Variants in LTBP1 observed in about 807,000 individuals in gnomAD.
LTBP1 encodes the protein latent transforming growth factor beta binding protein 1, also known as latent-transforming growth factor beta-binding protein 1.
A neutral mutation model predicts 207.6 loss-of-function variants in LTBP1; 129 were observed. The observed-to-expected ratio is 0.62, with a 90% CI of 0.54 to 0.72. The LOEUF is 0.72. LTBP1 is among the 30% of genes least tolerant of loss of function. LTBP1 has a pLI of 0.00. For synonymous variants in LTBP1, 963 were observed against 833.7 expected (o/e 1.16, Z -2.67); for missense variants, 2,281 against 2,217.2 (o/e 1.03, Z -0.58).
Position 32,947,154 on chromosome 2 carries a change from C to A in LTBP1, c.-171C>A. ...GCCACAATCGGCCGGGGTCTGGGGC[C>A]GCTCAGCTGCCCGCAGAGCCTCCTC... On this transcript the variant is annotated 5_prime_UTR_variant, in exon 1 of 34. Coordinates refer to ENST00000404816, the MANE Select transcript of LTBP1 (RefSeq NM_206943.4). 2 of 403,400 alleles carry A rather than the reference C, an allele frequency of 5.0e-6. No individual in the cohort carries two copies. Among genetic ancestry groups the A allele is most frequent in the Non-Finnish European group, 8.3e-6 (2 of 242,378 alleles). 25.0% of individuals were successfully genotyped at this position (403,400 alleles called of 1,614,324 possible).
intron 2 of LTBP1, among the ~76,000 whole-genome samples, chr2:32,995,175 C>A (rs1685060817): frequency 6.7e-6 from 1 of 149,946 alleles, no homozygotes; most frequent in Non-Finnish European, 1.5e-5. Context: ...AGTGTGAGAC[C>A]CTGTCTCCAA....
intron 24 of LTBP1, among the ~76,000 whole-genome samples, chr2:33,326,640 A>AATTTATTTATTTATTT (rs10529829): frequency 0.31 from 44,618 of 144,432 alleles, 7,935 homozygotes; most frequent in Non-Finnish European, 0.39. Context: ...TGAGGGATAT[A>AATTTATTTATTTATTT]ATTTATTTAT....
chr2:33,269,842 A>G (rs918619327), intron 15 of LTBP1, among the ~76,000 whole-genome samples: 4 of 152,216 alleles, frequency 2.6e-5, no homozygotes, highest in African/African-American at 4.8e-5. Flanking sequence ...TGTACTGTCT[A>G]TGTGCTCAGG....
chr2:33,300,067 A>G (rs1318289291), intron 20 of LTBP1, among the ~76,000 whole-genome samples: 1 of 152,144 alleles, frequency 6.6e-6, no homozygotes, highest in East Asian at 1.9e-4. Flanking sequence ...TCAAATTCCT[A>G]GTCGAGTTTT....
chr2:33,218,177 A>G (rs1013141475), intron 8 of LTBP1, among the ~76,000 whole-genome samples: 7 of 152,178 alleles, frequency 4.6e-5, no homozygotes, highest in African/African-American at 1.2e-4. Flanking sequence ...CTAGGACACA[A>G]TTCTTTCCCA....
chr2:33,181,377 A>G (rs1210729191), intron 5 of LTBP1, among the ~76,000 whole-genome samples: 1 of 152,240 alleles, frequency 6.6e-6, no homozygotes, highest in African/African-American at 2.4e-5. Flanking sequence ...CAATTACTTG[A>G]GTACTGCAAG....
chr2:33,215,200 A>G (rs150158982), intron 7 of LTBP1, among the ~76,000 whole-genome samples: 131 of 152,266 alleles, frequency 8.6e-4, no homozygotes, highest in African/African-American at 2.8e-3. Flanking sequence ...GCTCAGCTAT[A>G]ATGTTCAGCA....
At chr2:33,027,288 G>T (rs2075466094) in intron 3 of LTBP1, among the ~76,000 whole-genome samples, 1 of 152,106 alleles carries the variant, frequency 6.6e-6, no homozygotes, top group South Asian at 2.1e-4. Context: ...TGTACACATT[G>T]TAAAACGATT....
intron 9 of LTBP1, among the ~76,000 whole-genome samples, chr2:33,234,691 T>A (rs1415751338): frequency 1.3e-5 from 2 of 152,100 alleles, no homozygotes; most frequent in African/African-American, 4.8e-5. Flanking sequence ...CAAGCTACCA[T>A]TGACTTTCTT....
chr2:32,979,044 T>C (rs1484925400), intron 2 of LTBP1, among the ~76,000 whole-genome samples: 3 of 151,972 alleles, frequency 2.0e-5, no homozygotes, highest in South Asian at 4.1e-4. Context: ...TCAATTGTTA[T>C]GTAGTTTTTT....
chr2:33,264,971 A>G (rs1218903744), intron 15 of LTBP1, among the ~76,000 whole-genome samples: 2 of 152,146 alleles, frequency 1.3e-5, no homozygotes, highest in African/African-American at 4.8e-5. Flanking sequence ...TCTGAGTCTG[A>G]GTCTGAAGGC....
intron 2 of LTBP1, among the ~76,000 whole-genome samples, chr2:32,961,075 A>C (rs2148425081): frequency 6.6e-6 from 1 of 152,348 alleles, no homozygotes; most frequent in South Asian, 2.1e-4. Flanking sequence ...TTTTTAAGGC[A>C]TGGAAAAATA....
At chr2:33,249,323 TCACACACACACACACA>T (rs61249844) in intron 10 of LTBP1, among the ~76,000 whole-genome samples, 27 of 141,426 alleles carry the variant, frequency 1.9e-4, no homozygotes, top group South Asian at 9.5e-4. Flanking sequence ...GTCTGATTTT[TCACACACACACACACA>T]CACACACACA....
At chr2:33,329,349 G>T in intron 24 of LTBP1, among the ~76,000 whole-genome samples, 1 of 152,104 alleles carries the variant, frequency 6.6e-6, no homozygotes, top group East Asian at 1.9e-4. Flanking sequence ...CAAATGAAGT[G>T]CTCAAAACAA....
At chr2:33,152,200 AG>A (rs1165641784) in intron 5 of LTBP1, among the ~76,000 whole-genome samples, 2 of 152,170 alleles carry the variant, frequency 1.3e-5, no homozygotes, top group East Asian at 3.8e-4. Flanking sequence ...AGAATCTACA[AG>A]GAACTCAAAA....
At chr2:33,124,466 C>T (rs1055105574) in intron 4 of LTBP1, among the ~76,000 whole-genome samples, 2 of 152,068 alleles carry the variant, frequency 1.3e-5, no homozygotes, top group African/African-American at 2.4e-5. Flanking sequence ...TGGGTTCCTA[C>T]AGCTGGTTGA....
chr2:33,281,082 A>C (rs912334467), intron 19 of LTBP1, among the ~76,000 whole-genome samples: 1 of 152,200 alleles, frequency 6.6e-6, no homozygotes, highest in African/African-American at 2.4e-5. Context: ...AATATGAAAC[A>C]AAAGGCAAAA....
At chr2:33,131,757 G>C (rs748225907) in intron 4 of LTBP1, among the ~76,000 whole-genome samples, 4 of 152,200 alleles carry the variant, frequency 2.6e-5, no homozygotes, top group Non-Finnish European at 5.9e-5. Flanking sequence ...CTTCCAAGAA[G>C]ATGTGAACAT....
chr2:33,056,254 A>G lies in LTBP1; in HGVS notation c.863+35048A>G, dbSNP rs2076994097. On this transcript the variant is annotated intron_variant, in intron 3 of 33. Coordinates refer to ENST00000404816, the MANE Select transcript of LTBP1 (RefSeq NM_206943.4). Reference sequence around the variant, plus strand: ...GTCCCAATAGCTTAGGATGCATTTCAAGGGTGAGCCTGTGATGCCTGAGTG... The same window carrying G: ...GTCCCAATAGCTTAGGATGCATTTCGAGGGTGAGCCTGTGATGCCTGAGTG... The G allele has an allele frequency of 1.3e-5, 6 of 462,338 alleles. No individual in the cohort carries two copies. In the Middle Eastern group the frequency reaches 9.7e-4, roughly 74 times the overall value. The allele number at this position is 462,338 out of a possible 1,614,324, so 28.6% of individuals were successfully genotyped here.
Sources: gnomAD v4.1 joint callset for allele counts (sites outside exome capture counted in the v4.1 genomes callset) on GRCh38, gnomAD v4.1.1 for gene constraint, MANE v1.5 for transcripts, NCBI Gene and HGNC (gene_info 2026-07-23, HGNC 2026-07-21) for gene names.